Variants in ABCC4 observed in about 807,000 individuals in gnomAD.
The protein encoded by ABCC4 is ATP-binding cassette sub-family C member 4.
A neutral mutation model predicts 168.5 loss-of-function variants in ABCC4; 102 were observed. That is an observed-to-expected ratio of 0.61 (90% CI 0.52 to 0.71). The LOEUF is 0.71. ABCC4 is among the 30% of genes least tolerant of loss of function. The pLI is 0.00. For synonymous variants in ABCC4, 617 were observed against 590.7 expected, an observed-to-expected ratio of 1.04 and a Z score of -0.65; for missense variants, 1,402 against 1,605.8, an observed-to-expected ratio of 0.87 and a Z score of 2.17.
intron 26 of ABCC4, 119 bp from the exon 27 acceptor site, chr13:95,053,303 C>T (rs559724082): frequency 1.3e-4 from 105 of 790,282 alleles, no homozygotes; most frequent in Non-Finnish European, 2.0e-4. Context: ...ATAATTATAG[C>T]GTTACAAATG....
At chr13:95,036,735 A>G (rs2032136492) in intron 29 of ABCC4, among the ~76,000 whole-genome samples, 1 of 152,158 alleles carries the variant, frequency 6.6e-6, no homozygotes, top group East Asian at 1.9e-4. Context: ...AAGGTTTCAC[A>G]CTTAAAAAAT....
intron 4 of ABCC4, among the ~76,000 whole-genome samples, chr13:95,224,828 A>C (rs1317464979): frequency 6.6e-6 from 1 of 152,184 alleles, no homozygotes; most frequent in African/African-American, 2.4e-5. Flanking sequence ...AAAGGGAAGG[A>C]ATGAAGAGCA....
At chr13:95,033,662 CT>C (rs56165679) in intron 30 of ABCC4, among the ~76,000 whole-genome samples, 54,635 of 133,456 alleles carry the variant, frequency 0.41, 11,283 homozygotes, top group South Asian at 0.57. Context: ...GCAATTACAT[CT>C]TTTTTTTTTT....
rs1377328895 is a variant in ABCC4 at position 95,188,345 on chromosome 13, A to C, written c.1353+108T>G. The C allele has an allele frequency of 2.7e-5, 26 of 977,798 alleles. No individual in the cohort carries two copies. The Admixed American group carries it at 4.6e-4, about 17-fold the overall frequency. 60.6% of individuals were successfully genotyped at this position (977,798 alleles called of 1,614,324 possible). A position where few individuals can be genotyped will look rare whatever the true frequency, so the allele number is the denominator to read the frequency against. ...TCCATGCACTGAGAAATGCCGTGCC[A>C]AGTGTACCCAGTTCAAAATTGTGTT... is the stretch of plus-strand genomic sequence containing the variant. On this transcript the variant is annotated intron_variant, in intron 10 of 30. Transcript: ENST00000645237.
At chr13:95,178,203 A>C in intron 11 of ABCC4, 112 bp from the exon 12 acceptor site, 2 of 869,764 alleles carry the variant, frequency 2.3e-6, no homozygotes, top group Non-Finnish European at 3.7e-6. Flanking sequence ...TTCTTCAGAA[A>C]TTTACATGTA....
intron 4 of ABCC4, among the ~76,000 whole-genome samples, 187 bp downstream of exon 4, chr13:95,234,423 G>C (rs2039705915): frequency 1.3e-5 from 2 of 152,178 alleles, no homozygotes; most frequent in South Asian, 4.1e-4. Flanking sequence ...AGCTTCTCTA[G>C]TAAGGTGTAA....
chr13:95,034,867 T>C (rs2032052905), intron 29 of ABCC4, 128 bp from the exon 30 acceptor site: 3 of 1,314,594 alleles, frequency 2.3e-6, no homozygotes, highest in Admixed American at 4.3e-5. Context: ...CTGGATAGTA[T>C]TTAAATGGTT....
At chr13:95,297,203 G>GGA (rs1163794678) in intron 1 of ABCC4, among the ~76,000 whole-genome samples, 1 of 149,750 alleles carries the variant, frequency 6.7e-6, no homozygotes, top group African/African-American at 2.5e-5. Context: ...CCCTGGAGGC[G>GGA]GAGGTTGCAG....
chr13:95,238,195 GAAAA>G (rs10644641), intron 3 of ABCC4, among the ~76,000 whole-genome samples: 5 of 65,868 alleles, frequency 7.6e-5, no homozygotes, highest in Admixed American at 7.2e-4. Flanking sequence ...CTCCATCTCA[GAAAA>G]AAAAAAAAAA....
chr13:95,274,355 G>C (rs981107179), intron 1 of ABCC4, among the ~76,000 whole-genome samples: 1 of 152,184 alleles, frequency 6.6e-6, no homozygotes, highest in Non-Finnish European at 1.5e-5. Context: ...GAAGGGCCCA[G>C]CCAGGAGCAC....
chr13:95,030,993 C>G (rs568629058), intron 30 of ABCC4, among the ~76,000 whole-genome samples: 3 of 152,356 alleles, frequency 2.0e-5, no homozygotes, highest in Admixed American at 1.3e-4. Context: ...GAATACGTGA[C>G]TTGGAAGTAC....
intron 20 of ABCC4, among the ~76,000 whole-genome samples, chr13:95,087,197 A>G (rs1782960418): frequency 6.6e-6 from 1 of 152,142 alleles, no homozygotes; most frequent in Non-Finnish European, 1.5e-5. Flanking sequence ...TTGGGAACAC[A>G]TGAGACTAAA....
At chr13:95,069,037 G>A (rs150831168) in intron 25 of ABCC4, among the ~76,000 whole-genome samples, 147 of 152,308 alleles carry the variant, frequency 9.7e-4, no homozygotes, top group African/African-American at 3.4e-3. Flanking sequence ...GGTTCCCTGG[G>A]TATCTTCTGG....
At chr13:95,196,141 G>C (rs2038408573) in intron 8 of ABCC4, among the ~76,000 whole-genome samples, 2 of 152,162 alleles carry the variant, frequency 1.3e-5, no homozygotes, top group Admixed American at 1.3e-4. Context: ...ATAATTCAGT[G>C]AGAGAAGCTA....
chr13:95,044,441 G>A lies in ABCC4; in HGVS notation c.3457-3C>T. The A allele has an allele frequency of 5.6e-6, 9 of 1,604,158 alleles. No homozygotes were observed. The highest frequency in any genetic ancestry group is 7.7e-6 in the Non-Finnish European group (9 of 1,175,226). ...TCAATGGTTTCTTTAAGTTGTACCTGTAGATGTACAAAGAAGAATGACTGC... is the reference window on the plus strand; with the variant it reads ...TCAATGGTTTCTTTAAGTTGTACCTATAGATGTACAAAGAAGAATGACTGC... On this transcript the variant is annotated splice_region_variant and splice_polypyrimidine_tract_variant and intron_variant, in intron 27 of 30. Coordinates refer to ENST00000645237, the MANE Select transcript of ABCC4 (RefSeq NM_005845.5).
rs2031081139 is a variant in ABCC4 at position 95,021,496 on chromosome 13, A to C, written c.*79T>G. 1.2e-5 allele frequency: 12 copies of C among 998,578 alleles called. No homozygotes were observed. The East Asian group carries it at 2.7e-4, about 22-fold the overall frequency. 61.9% of individuals were successfully genotyped at this position (998,578 alleles called of 1,614,324 possible). On this transcript the variant is annotated 3_prime_UTR_variant, in exon 31 of 31. Transcript: ENST00000645237. ...GTATAAATATTTGTTGCCAAAGTAA[A>C]AAAAAGTACAATGTGGTTTACATAG...
intron 30 of ABCC4, among the ~76,000 whole-genome samples, chr13:95,032,977 T>TC (rs2031951346): frequency 7.0e-6 from 1 of 142,930 alleles, no homozygotes; most frequent in Non-Finnish European, 1.5e-5. Context: ...TTTTTTTTTT[T>TC]TTTTTTTTTT....
intron 1 of ABCC4, among the ~76,000 whole-genome samples, chr13:95,290,105 T>TAGACAGATAGAC (rs368900407): frequency 4.1e-5 from 5 of 122,842 alleles, no homozygotes; most frequent in Non-Finnish European, 9.0e-5. Context: ...TCAAAAAAAA[T>TAGACAGATAGAC]AGATAGATAG....
At chr13:95,279,740 C>A (rs564316735) in intron 1 of ABCC4, among the ~76,000 whole-genome samples, 5 of 152,098 alleles carry the variant, frequency 3.3e-5, no homozygotes, top group African/African-American at 1.2e-4. Flanking sequence ...ATTTGCTGAC[C>A]CCAGTGGGTA....
Sources: gnomAD v4.1 joint callset for allele counts (sites outside exome capture counted in the v4.1 genomes callset) on GRCh38, gnomAD v4.1.1 for gene constraint, MANE v1.5 for transcripts, NCBI Gene and HGNC (gene_info 2026-07-23, HGNC 2026-07-21) for gene names.